The following SLCO3A1 variants were observed in gnomAD, a reference collection of about 807,000 sequenced individuals.
The protein encoded by SLCO3A1 is PGE1 transporter.
A neutral mutation model predicts 63.1 loss-of-function variants in SLCO3A1; 27 were observed. That is an observed-to-expected ratio of 0.43 (90% CI 0.32 to 0.59). The LOEUF (loss-of-function observed/expected upper bound fraction) is 0.59. Among genes scored for constraint, SLCO3A1 ranks in the 20% least tolerant of loss-of-function variants. The probability of loss-of-function intolerance (pLI) is 0.09; values close to 1 mark genes in which losing one functional copy is unlikely to be tolerated. For missense variants in SLCO3A1, 773 were observed against 945.8 expected (o/e 0.82, Z 2.40); for synonymous variants, 473 against 409.9 (o/e 1.15, Z -1.86).
chr15:92,088,070 G>C (rs1246436024), intron 2 of SLCO3A1, among the ~76,000 whole-genome samples: 1 of 152,158 alleles, frequency 6.6e-6, no homozygotes, highest in Non-Finnish European at 1.5e-5. Flanking sequence ...GTCAGGGAAA[G>C]AGGAGGTTTG....
intron 2 of SLCO3A1, among the ~76,000 whole-genome samples, chr15:91,996,886 T>C (rs2046198497): frequency 6.6e-6 from 1 of 152,182 alleles, no homozygotes; most frequent in African/African-American, 2.4e-5. Context: ...TTAAAATGTA[T>C]AGTGAAAAAA....
rs1234285437 is a variant in SLCO3A1 at position 91,916,799 on chromosome 15, A to G, written c.646+341A>G. The stretch of plus-strand genomic sequence containing the variant: ...GCTTTCTGATATTAGCCACCAAGGT[A>G]TACTTGGGGTCTACACATTGGAAAC... On this transcript the variant is annotated intron_variant, in intron 2 of 9. Coordinates refer to ENST00000318445, the MANE Select transcript of SLCO3A1 (RefSeq NM_013272.4). The surrounding 1 kb of genome is among the most constrained non-coding windows in gnomAD (Gnocchi z 6.2). Among the ~76,000 whole-genome samples, 1 of 152,164 alleles carries G rather than the reference A, an allele frequency of 6.6e-6. No homozygotes were observed. The highest frequency in any genetic ancestry group is 2.4e-5 in the African/African-American group (1 of 41,434).
chr15:92,140,496 GCT>G (rs1201870177), intron 7 of SLCO3A1, among the ~76,000 whole-genome samples: 1 of 151,708 alleles, frequency 6.6e-6, no homozygotes, highest in Non-Finnish European at 1.5e-5. Flanking sequence ...TATTAGGTCC[GCT>G]TGGTGCAGAG....
At chr15:92,004,048 T>A (rs2046285841) in intron 2 of SLCO3A1, among the ~76,000 whole-genome samples, 1 of 151,212 alleles carries the variant, frequency 6.6e-6, no homozygotes, top group Non-Finnish European at 1.5e-5. Context: ...ACGTGGACCG[T>A]CTCAGGCACT....
chr15:91,989,323 C>A (rs1245676708), intron 2 of SLCO3A1, among the ~76,000 whole-genome samples: 2 of 152,188 alleles, frequency 1.3e-5, no homozygotes, highest in Admixed American at 6.5e-5. Context: ...TAATCTGTAA[C>A]ATACATAGTC....
At position 91,886,867 on chromosome 15, in the gene SLCO3A1, T is replaced by C. The variant is rs1050284570; in HGVS notation, c.181-29126T>C. Among the ~76,000 whole-genome samples, 6 of 152,186 alleles carry C rather than the reference T, an allele frequency of 3.9e-5. No homozygotes were observed. Among genetic ancestry groups the C allele is most frequent in the Non-Finnish European group, 7.3e-5 (5 of 68,028 alleles). On this transcript the variant is annotated intron_variant, in intron 1 of 9. Transcript: ENST00000318445. The surrounding 1 kb of genome is among the most constrained non-coding windows in gnomAD (Gnocchi z 4.9). ...AGTGCCTTATATATTCTGTTTCTAG[T>C]CTTGCAATTTGTATATTATCATTCA...
intron 4 of SLCO3A1, among the ~76,000 whole-genome samples, chr15:92,116,608 C>T (rs769273767): frequency 3.9e-5 from 6 of 152,212 alleles, no homozygotes; most frequent in Non-Finnish European, 7.3e-5. Context: ...TTGCCTGGGC[C>T]GCCCCATTAG....
At chr15:91,870,806 T>G (rs529487106) in intron 1 of SLCO3A1, among the ~76,000 whole-genome samples, 11 of 148,268 alleles carry the variant, frequency 7.4e-5, no homozygotes, top group Non-Finnish European at 1.4e-4. Flanking sequence ...CTGTGTAGAT[T>G]CTGTTTCATA....
chr15:92,091,142 TG>T (rs1157890444), intron 2 of SLCO3A1, among the ~76,000 whole-genome samples: 2 of 152,200 alleles, frequency 1.3e-5, no homozygotes, highest in African/African-American at 4.8e-5. Context: ...GTTTTTCCGC[TG>T]TGAAACAGGC....
In SLCO3A1 at chr15:91,929,960, T is replaced by C. The variant is rs1337611409; in HGVS notation, c.646+13502T>C. Among the ~76,000 whole-genome samples, 4 of 152,234 alleles carry C rather than the reference T, an allele frequency of 2.6e-5. No homozygotes were observed. In the East Asian group the frequency reaches 7.7e-4, roughly 29 times the overall value. On this transcript the variant is annotated intron_variant, in intron 2 of 9. Coordinates refer to ENST00000318445, the MANE Select transcript of SLCO3A1 (RefSeq NM_013272.4). ...TTCATCTATGAATGGACATTTGGGT[T>C]GTTTCCACCTCTTGGCTATTGTGAA...
chr15:91,961,982 G>A (rs1177734011), intron 2 of SLCO3A1, among the ~76,000 whole-genome samples: 1 of 152,216 alleles, frequency 6.6e-6, no homozygotes, highest in East Asian at 1.9e-4. Flanking sequence ...CCTGGACTCA[G>A]AAGACTGGGG....
At chr15:91,877,953 A>T (rs1838364966) in intron 1 of SLCO3A1, among the ~76,000 whole-genome samples, 2 of 152,080 alleles carry the variant, frequency 1.3e-5, no homozygotes, top group Non-Finnish European at 2.9e-5. Context: ...CTGTGGAAGG[A>T]CTAGAATCTC....
Position 92,163,920 on chromosome 15 carries a change from G to C in SLCO3A1, c.*785G>C. On this transcript the variant is annotated 3_prime_UTR_variant, in exon 10 of 10. Coordinates refer to ENST00000318445, the MANE Select transcript of SLCO3A1 (RefSeq NM_013272.4). ...CCACCTTCCCCCAGCCCCACAGAGT[G>C]ACCTCAGGAAGCAGTAGGCCTCGCC... The C allele has an allele frequency of 1.0e-6, 1 of 985,572 alleles. No homozygotes were observed. Among genetic ancestry groups the C allele is most frequent in the South Asian group, 4.7e-5 (1 of 21,292 alleles). 61.1% of individuals were successfully genotyped at this position (985,572 alleles called of 1,614,324 possible).
intron 1 of SLCO3A1, among the ~76,000 whole-genome samples, chr15:91,880,511 A>G (rs1265314193): frequency 2.0e-5 from 3 of 151,950 alleles, no homozygotes; most frequent in Non-Finnish European, 2.9e-5. Context: ...ATTTATTGCC[A>G]CAGTCTCTCC....
chr15:92,126,181 C>A lies in SLCO3A1; in HGVS notation c.1295C>A (p.Thr432Asn). ...GCCATGCTCGTCAACCTGGTGTCCA[C>A]TGCTTGCTACGTCTCCTTCCTCTTC... is the stretch of plus-strand genomic sequence containing the variant. ...RMAMLVNLVS[T>N]ACYVSFLFLG... The change falls in exon 6 of 10, where the codon ACT becomes AAT. Residue 432 changes from threonine to asparagine, a missense_variant. Coordinates refer to ENST00000318445, the MANE Select transcript of SLCO3A1 (RefSeq NM_013272.4). 6.2e-7 allele frequency: 1 copy of A among 1,614,074 alleles called. No homozygotes were observed. The highest frequency in any genetic ancestry group is 8.5e-7 in the Non-Finnish European group (1 of 1,180,018).
chr15:91,877,272 A>T (rs941301144), intron 1 of SLCO3A1, among the ~76,000 whole-genome samples: 5 of 152,142 alleles, frequency 3.3e-5, no homozygotes, highest in Admixed American at 2.6e-4. Context: ...TTCTCCTTGT[A>T]TATATTTTAA....
intron 2 of SLCO3A1, among the ~76,000 whole-genome samples, chr15:92,057,581 T>G (rs1013019255): frequency 8.5e-5 from 13 of 152,152 alleles, no homozygotes; most frequent in Non-Finnish European, 1.2e-4. Flanking sequence ...CCCAGAGAGA[T>G]AGATTTTCCT....
In SLCO3A1 at chr15:91,875,466, C is replaced by G. The variant is rs756999046; in HGVS notation, c.180+21378C>G. Among the ~76,000 whole-genome samples, 1 of 152,194 alleles carries G rather than the reference C, an allele frequency of 6.6e-6. No individual in the cohort carries two copies. Among genetic ancestry groups the G allele is most frequent in the East Asian group, 1.9e-4 (1 of 5,186 alleles). ...CCTGGATTCCAATCCCAGCTCTGCCCGTCACATGTGACGTAAACCTAGGTT... is the reference window on the plus strand; with the variant it reads ...CCTGGATTCCAATCCCAGCTCTGCCGGTCACATGTGACGTAAACCTAGGTT... On this transcript the variant is annotated intron_variant, in intron 1 of 9. Transcript: ENST00000318445. The surrounding 1 kb of genome is among the most constrained non-coding windows in gnomAD (Gnocchi z 4.5).
At chr15:91,892,303 C>G (rs1228893942) in intron 1 of SLCO3A1, among the ~76,000 whole-genome samples, 1 of 152,164 alleles carries the variant, frequency 6.6e-6, no homozygotes, top group Non-Finnish European at 1.5e-5. Flanking sequence ...TCATGGGATG[C>G]ATTGGAGCAG....
Sources: gnomAD v4.1 joint callset for allele counts (sites outside exome capture counted in the v4.1 genomes callset) on GRCh38, gnomAD v4.1.1 for gene constraint, Gnocchi (gnomAD v3.1) non-coding constraint, MANE v1.5 for transcripts, NCBI Gene and HGNC (gene_info 2026-07-23, HGNC 2026-07-21) for gene names.